Variants in RPS6KA2 observed in about 807,000 individuals in gnomAD.
RPS6KA2 encodes ribosomal protein S6 kinase A2, also known as ribosomal protein S6 kinase alpha-2.
RPS6KA2 carries 42 observed loss-of-function variants against 91.8 expected under a neutral mutation model. The ratio of observed to expected loss-of-function variants is 0.46; its 90% CI spans 0.36 to 0.59. The LOEUF (loss-of-function observed/expected upper bound fraction) is 0.59. Among genes scored for constraint, RPS6KA2 ranks in the 20% least tolerant of loss-of-function variants. RPS6KA2 has a pLI of 0.00. For synonymous variants in RPS6KA2, 414 were observed against 393.6 expected, an observed-to-expected ratio of 1.05 and a Z score of -0.61; for missense variants, 798 against 978.5, an observed-to-expected ratio of 0.82 and a Z score of 2.46.
intron 2 of RPS6KA2, among the ~76,000 whole-genome samples, chr6:166,706,901 A>G (rs1789695652): frequency 6.6e-6 from 1 of 152,248 alleles, no homozygotes; most frequent in Non-Finnish European, 1.5e-5. Flanking sequence ...GAATAGTAGT[A>G]ACAAAACTCT....
chr6:166,823,108 C>T (rs1779944827), intron 2 of RPS6KA2, among the ~76,000 whole-genome samples: 1 of 152,200 alleles, frequency 6.6e-6, no homozygotes, highest in Non-Finnish European at 1.5e-5. Context: ...CTAGACCCAA[C>T]TGACAAAAGA....
At chr6:166,478,761 T>C (rs1781077036) in intron 10 of RPS6KA2, among the ~76,000 whole-genome samples, 1 of 152,118 alleles carries the variant, frequency 6.6e-6, no homozygotes, top group Admixed American at 6.5e-5. Context: ...GCCACAGGCC[T>C]CTGCACACCG....
chr6:166,637,591 A>T (rs1198006416), intron 2 of RPS6KA2, among the ~76,000 whole-genome samples: 1 of 152,252 alleles, frequency 6.6e-6, no homozygotes, highest in African/African-American at 2.4e-5. Context: ...GAAGACCGGA[A>T]ATACTAACCA....
intron 2 of RPS6KA2, among the ~76,000 whole-genome samples, chr6:166,757,057 A>G (rs1778032733): frequency 6.6e-6 from 1 of 152,138 alleles, no homozygotes; most frequent in African/African-American, 2.4e-5. Flanking sequence ...AATCTTACGC[A>G]CATTTCACCA....
chr6:166,806,126 G>A (rs1391345583), intron 2 of RPS6KA2, among the ~76,000 whole-genome samples: 4 of 152,112 alleles, frequency 2.6e-5, no homozygotes, highest in Non-Finnish European at 5.9e-5. Flanking sequence ...AGGTACCTGT[G>A]GAACACCCTT....
At chr6:166,647,546 C>T (rs1251721935) in intron 2 of RPS6KA2, among the ~76,000 whole-genome samples, 6 of 152,218 alleles carry the variant, frequency 3.9e-5, no homozygotes, top group African/African-American at 1.4e-4. Flanking sequence ...TCACATCTCT[C>T]AGCTGACCAC....
chr6:166,633,873 C>T (rs1787155122), intron 2 of RPS6KA2, among the ~76,000 whole-genome samples: 1 of 152,142 alleles, frequency 6.6e-6, no homozygotes, highest in Non-Finnish European at 1.5e-5. Context: ...GTCAGCGGAA[C>T]GTGCCACGCT....
chr6:166,417,376 C>A (rs1004756902), intron 19 of RPS6KA2, among the ~76,000 whole-genome samples: 1 of 152,122 alleles, frequency 6.6e-6, no homozygotes, highest in Non-Finnish European at 1.5e-5. Context: ...TTAAGTCAGT[C>A]GACTTGAGTA....
At chr6:166,841,006 G>A (rs531908427) in intron 2 of RPS6KA2, among the ~76,000 whole-genome samples, 1 of 152,132 alleles carries the variant, frequency 6.6e-6, no homozygotes, top group African/African-American at 2.4e-5. Context: ...CTGAGGCTGG[G>A]TGTGGTAGCT....
intron 1 of RPS6KA2, among the ~76,000 whole-genome samples, chr6:166,549,960 A>G (rs1324963650): frequency 6.6e-6 from 1 of 152,218 alleles, no homozygotes; most frequent in Non-Finnish European, 1.5e-5. Context: ...TCATTTAAAA[A>G]TTTTAAAAAT....
intron 2 of RPS6KA2, among the ~76,000 whole-genome samples, chr6:166,853,129 T>C (rs1368106754): frequency 5.3e-5 from 8 of 152,056 alleles, no homozygotes; most frequent in African/African-American, 1.9e-4. Context: ...AACCCTGAAA[T>C]CTAAGCGCTT....
chr6:166,692,868 G>A (rs767646178), intron 2 of RPS6KA2, among the ~76,000 whole-genome samples: 6 of 152,190 alleles, frequency 3.9e-5, no homozygotes, highest in Non-Finnish European at 7.3e-5. Flanking sequence ...AAATGATGAC[G>A]ATTTTGGCCA....
At chr6:166,841,388 C>A (rs1780475055) in intron 2 of RPS6KA2, among the ~76,000 whole-genome samples, 1 of 152,278 alleles carries the variant, frequency 6.6e-6, no homozygotes, top group African/African-American at 2.4e-5. Context: ...CTGAGCCAGG[C>A]AAAGTGCGTG....
chr6:166,725,813 C>T (rs57218649), intron 2 of RPS6KA2, among the ~76,000 whole-genome samples: 14,257 of 152,236 alleles, frequency 0.094, 2,220 homozygotes, highest in African/African-American at 0.32. Context: ...CCAGGTATGC[C>T]GGGCAGGGAG....
At chr6:166,851,671 T>A (rs1463628011) in intron 2 of RPS6KA2, among the ~76,000 whole-genome samples, 1 of 152,074 alleles carries the variant, frequency 6.6e-6, no homozygotes, top group African/African-American at 2.4e-5. Flanking sequence ...TAGAGACTGT[T>A]CCCATTCGCA....
intron 2 of RPS6KA2, among the ~76,000 whole-genome samples, chr6:166,817,382 G>C (rs1034642169): frequency 7.9e-6 from 1 of 126,526 alleles, no homozygotes; most frequent in African/African-American, 2.7e-5. Flanking sequence ...ACTCAACAAA[G>C]AAACACACAC....
intron 1 of RPS6KA2, among the ~76,000 whole-genome samples, chr6:166,547,633 G>A (rs573378918): frequency 3.9e-5 from 6 of 152,348 alleles, no homozygotes; most frequent in African/African-American, 7.2e-5. Flanking sequence ...GAGTGATGGC[G>A]GCAGCCGCTT....
chr6:166,534,224 A>G (rs1783402761), intron 2 of RPS6KA2, among the ~76,000 whole-genome samples: 3 of 131,908 alleles, frequency 2.3e-5, no homozygotes, highest in Non-Finnish European at 4.5e-5. Flanking sequence ...TCTGTCTCAA[A>G]AAAAAAAAAA....
intron 2 of RPS6KA2, among the ~76,000 whole-genome samples, chr6:166,677,133 G>A (rs1292380609): frequency 6.6e-6 from 1 of 152,132 alleles, no homozygotes; most frequent in Non-Finnish European, 1.5e-5. Flanking sequence ...GGGCTACCAG[G>A]TGTCTTCACA....
Sources: gnomAD v4.1 joint callset for allele counts (sites outside exome capture counted in the v4.1 genomes callset) on GRCh38, gnomAD v4.1.1 for gene constraint, MANE v1.5 for transcripts, NCBI Gene and HGNC (gene_info 2026-07-23, HGNC 2026-07-21) for gene names.